The following KIF6 variants were observed in gnomAD, a reference collection of about 807,000 sequenced individuals.
KIF6 encodes the protein kinesin family member 6, also known as kinesin-like protein KIF6.
Under a neutral mutation model 112.7 loss-of-function variants are expected in KIF6, and 106 were observed. That is an observed-to-expected ratio of 0.94 (90% CI 0.80 to 1.11). The LOEUF (loss-of-function observed/expected upper bound fraction) is 1.11, where lower values mean the gene tolerates loss of function less well. Ranked by LOEUF, KIF6 falls within the 50% of genes least tolerant of loss-of-function variation. The pLI, the probability that KIF6 is intolerant of heterozygous loss-of-function variation, is 0.00. For missense variants in KIF6, 929 were observed against 964.0 expected, an observed-to-expected ratio of 0.96 and a Z score of 0.48; for synonymous variants, 339 against 339.9, an observed-to-expected ratio of 1.00 and a Z score of 0.03.
chr6:39,455,273 A>T (rs996722542), intron 13 of KIF6, among the ~76,000 whole-genome samples: 1 of 151,660 alleles, frequency 6.6e-6, no homozygotes, highest in South Asian at 2.1e-4. Context: ...GACACCTCAC[A>T]CTGCAGGGTA....
At chr6:39,555,165 A>C (rs1398440409) in intron 10 of KIF6, among the ~76,000 whole-genome samples, 2 of 152,074 alleles carry the variant, frequency 1.3e-5, no homozygotes, top group Non-Finnish European at 2.9e-5. Flanking sequence ...TGCACCATGA[A>C]GCCAAAGTGT....
At chr6:39,714,908 TG>T in intron 2 of KIF6, 142 bp from the exon 3 acceptor site, 1 of 632,356 alleles carries the variant, frequency 1.6e-6, no homozygotes, top group Non-Finnish European at 2.8e-6. Flanking sequence ...ATGTTTGCCC[TG>T]TAGTCTCAAC....
chr6:39,507,870 C>CTCTT (rs973481800), intron 13 of KIF6, among the ~76,000 whole-genome samples: 1 of 150,630 alleles, frequency 6.6e-6, no homozygotes, highest in African/African-American at 2.4e-5. Flanking sequence ...TCTTTCTATT[C>CTCTT]TCTTTCTTTC....
intron 14 of KIF6, among the ~76,000 whole-genome samples, chr6:39,421,498 G>A (rs1287111441): frequency 1.3e-5 from 2 of 152,194 alleles, no homozygotes. Flanking sequence ...GATTGTGTTG[G>A]AGGAAGTGAG....
At chr6:39,673,235 A>T (rs1786944260) in intron 3 of KIF6, among the ~76,000 whole-genome samples, 1 of 152,196 alleles carries the variant, frequency 6.6e-6, no homozygotes, top group African/African-American at 2.4e-5. Context: ...GCTGCAAGGG[A>T]TGCTGGGAAA....
At chr6:39,584,836 G>A in intron 9 of KIF6, 62 bp downstream of exon 9, 1 of 1,045,366 alleles carries the variant, frequency 9.6e-7, no homozygotes, top group South Asian at 1.3e-5. Context: ...GCACCTACAA[G>A]TTTTAGCTAA....
chr6:39,407,123 T>TG (rs372090145), intron 15 of KIF6, among the ~76,000 whole-genome samples: 263 of 128,560 alleles, frequency 2.0e-3, no homozygotes, highest in African/African-American at 7.3e-3. Context: ...AAGACTCCTG[T>TG]TTTTTTTTTG....
chr6:39,407,331 A>G (rs1263713346), intron 15 of KIF6, among the ~76,000 whole-genome samples: 1 of 152,208 alleles, frequency 6.6e-6, no homozygotes, highest in Non-Finnish European at 1.5e-5. Context: ...TAAACTTTAT[A>G]TCTTTGATGT....
At chr6:39,341,356 G>C (rs1410699525) in intron 22 of KIF6, among the ~76,000 whole-genome samples, 2 of 151,750 alleles carry the variant, frequency 1.3e-5, no homozygotes, top group African/African-American at 4.8e-5. Flanking sequence ...TCTCCAGCTT[G>C]TGCCTGAGGC....
chr6:39,404,111 A>C (rs1768913253), intron 15 of KIF6, among the ~76,000 whole-genome samples: 1 of 152,204 alleles, frequency 6.6e-6, no homozygotes, highest in South Asian at 2.1e-4. Context: ...ATTTTCTCCC[A>C]GTCTGTCACT....
At position 39,634,851 on chromosome 6, in the gene KIF6, C is replaced by A. The variant is rs1176429292; in HGVS notation, c.507G>T (p.Leu169Phe). The part of the protein sequence containing the change: ...PRHEASSLED[L>F]PKVTILEDPD... ...TTCTTTGTTGTTCTGCTACTCACGGCAAATCTTCCAAACTGGAGGCTTCAT... is the reference window on the plus strand; with the variant it reads ...TTCTTTGTTGTTCTGCTACTCACGGAAAATCTTCCAAACTGGAGGCTTCAT... The change falls in exon 5 of 23, where the codon TTG becomes TTT. Residue 169 changes from leucine to phenylalanine, a missense_variant and splice_region_variant. This residue lies in a region of KIF6 where 688 missense variants were observed against 662.7 expected (regional missense o/e 1.04). Transcript: ENST00000287152. 5 of 1,581,336 alleles carry A rather than the reference C, an allele frequency of 3.2e-6. No homozygotes were observed. Among genetic ancestry groups the A allele is most frequent in the Non-Finnish European group, 4.3e-6 (5 of 1,150,678 alleles).
intron 14 of KIF6, among the ~76,000 whole-genome samples, chr6:39,429,072 G>A (rs768926708): frequency 3.9e-5 from 6 of 152,324 alleles, no homozygotes; most frequent in East Asian, 1.9e-4. Flanking sequence ...CTGGACTGCC[G>A]TCCATATACA....
At chr6:39,724,409 C>A (rs1294188854) in intron 1 of KIF6, among the ~76,000 whole-genome samples, 5 of 146,216 alleles carry the variant, frequency 3.4e-5, no homozygotes, top group African/African-American at 1.3e-4. Flanking sequence ...GCCGAGATCG[C>A]GCCACTGCAC....
chr6:39,385,927 A>T lies in KIF6; in HGVS notation c.1811-255T>A, dbSNP rs1278383772. 2.6e-5 allele frequency among the ~76,000 whole-genome samples: 4 copies of T among 152,244 alleles called. No individual in the cohort carries two copies. The East Asian group carries it at 7.7e-4, about 29-fold the overall frequency. On this transcript the variant is annotated intron_variant, in intron 15 of 22. Coordinates refer to ENST00000287152, the MANE Select transcript of KIF6 (RefSeq NM_145027.6). ...TTGAGTTCAATCATCTTAGGATTCAAGTATCTTAGCCTGTCACCCATAACT... is the reference window on the plus strand; with the variant it reads ...TTGAGTTCAATCATCTTAGGATTCATGTATCTTAGCCTGTCACCCATAACT...
intron 5 of KIF6, among the ~76,000 whole-genome samples, chr6:39,619,310 C>T (rs1178624718): frequency 2.6e-5 from 4 of 152,032 alleles, no homozygotes; most frequent in Admixed American, 2.6e-4. Flanking sequence ...ACCTTTATTG[C>T]TAAATAATAA....
chr6:39,518,083 T>C (rs569043648), intron 13 of KIF6, among the ~76,000 whole-genome samples: 2 of 152,302 alleles, frequency 1.3e-5, no homozygotes, highest in South Asian at 4.1e-4. Context: ...GAATTAAAAA[T>C]GGAAAATTAA....
rs1765046514 is a variant in KIF6 at position 39,360,524 on chromosome 6, T to C, written c.1953A>G (p.Lys651=). ...GGGCTTTCAGGCGAGTGAACATTGTTTTATACCTGCGGTGGAATCGGGGAA... is the reference window on the plus strand; with the variant it reads ...GGGCTTTCAGGCGAGTGAACATTGTCTTATACCTGCGGTGGAATCGGGGAA... ...SQLEEEKRRY[K]TMFTRLKALK... Residue 651 remains lysine, a synonymous_variant, in exon 18 of 23, where the codon AAA becomes AAG. Coordinates refer to ENST00000287152, the MANE Select transcript of KIF6 (RefSeq NM_145027.6). 16 of 1,614,228 alleles carry C rather than the reference T, an allele frequency of 9.9e-6. No homozygotes were observed. Among genetic ancestry groups the C allele is most frequent in the Non-Finnish European group, 1.4e-5 (16 of 1,180,034 alleles).
intron 3 of KIF6, among the ~76,000 whole-genome samples, chr6:39,672,272 A>G (rs1786862419): frequency 6.6e-6 from 1 of 152,172 alleles, no homozygotes; most frequent in Non-Finnish European, 1.5e-5. Context: ...ATGAGCCACC[A>G]CGCCCAGCTA....
intron 13 of KIF6, among the ~76,000 whole-genome samples, chr6:39,463,740 G>A (rs767819127): frequency 2.0e-5 from 3 of 152,094 alleles, no homozygotes; most frequent in Non-Finnish European, 4.4e-5. Context: ...TCCCCATAGT[G>A]ACTGTCAGTT....
Sources: allele counts gnomAD v4.1 joint callset (sites outside exome capture counted in the v4.1 genomes callset), GRCh38; gene constraint gnomAD v4.1.1; regional missense constraint gnomAD v4.1.1; transcripts MANE v1.5; gene names NCBI Gene and HGNC (gene_info 2026-07-23, HGNC 2026-07-21).